CA8: variants seen among roughly 807,000 people sequenced by gnomAD.
CA8 encodes the protein carbonic anhydrase-related protein.
Under a neutral mutation model 41.4 loss-of-function variants are expected in CA8, and 22 were observed. The ratio of observed to expected loss-of-function variants is 0.53; its 90% CI spans 0.38 to 0.76. CA8 has a LOEUF of 0.76. Among genes scored for constraint, CA8 ranks in the 30% least tolerant of loss-of-function variants. The probability of loss-of-function intolerance (pLI) is 0.00; values close to 1 mark genes in which losing one functional copy is unlikely to be tolerated. For synonymous variants in CA8, 121 were observed against 130.6 expected, an observed-to-expected ratio of 0.93 and a Z score of 0.50; for missense variants, 270 against 352.8, an observed-to-expected ratio of 0.77 and a Z score of 1.88.
intron 8 of CA8, among the ~76,000 whole-genome samples, chr8:60,202,535 C>CT (rs1158658801): frequency 6.6e-6 from 1 of 152,078 alleles, no homozygotes; most frequent in Non-Finnish European, 1.5e-5. Flanking sequence ...GTTTGTTAGC[C>CT]TTTAACTCAA....
chr8:60,197,662 A>T (rs1331484490), intron 8 of CA8, among the ~76,000 whole-genome samples: 1 of 152,168 alleles, frequency 6.6e-6, no homozygotes, highest in African/African-American at 2.4e-5. Context: ...AGTGCTGGGG[A>T]TGCTATCACT....
At chr8:60,195,630 T>C (rs934889272) in intron 8 of CA8, among the ~76,000 whole-genome samples, 1 of 152,188 alleles carries the variant, frequency 6.6e-6, no homozygotes, top group Non-Finnish European at 1.5e-5. Context: ...CTCAGGCAGT[T>C]TGTACATGCT....
At chr8:60,278,069 G>A (rs1284927176) in intron 2 of CA8, among the ~76,000 whole-genome samples, 1 of 152,174 alleles carries the variant, frequency 6.6e-6, no homozygotes, top group Non-Finnish European at 1.5e-5. Flanking sequence ...TGGTGAGAGG[G>A]CCCAGATGTT....
chr8:60,205,803 TC>T (rs1236999934), intron 8 of CA8, among the ~76,000 whole-genome samples: 1 of 152,198 alleles, frequency 6.6e-6, no homozygotes, highest in East Asian at 1.9e-4. Flanking sequence ...TAAAGTTATT[TC>T]AGTAAAACAT....
At chr8:60,278,042 G>A (rs1003456217) in intron 2 of CA8, among the ~76,000 whole-genome samples, 3 of 152,184 alleles carry the variant, frequency 2.0e-5, no homozygotes, top group African/African-American at 7.2e-5. Flanking sequence ...TGCTAGGTGA[G>A]GAAGAAACAC....
chr8:60,218,264 C>T (rs1464553392), intron 7 of CA8, among the ~76,000 whole-genome samples: 3 of 152,054 alleles, frequency 2.0e-5, no homozygotes, highest in African/African-American at 4.8e-5. Flanking sequence ...CTCAAGACTA[C>T]GTCCATACCA....
intron 3 of CA8, among the ~76,000 whole-genome samples, chr8:60,248,833 T>C (rs1319860000): frequency 6.6e-6 from 1 of 152,192 alleles, no homozygotes; most frequent in Non-Finnish European, 1.5e-5. Flanking sequence ...TATATAATGC[T>C]ATATAAATTA....
chr8:60,199,221 T>G (rs914152320), intron 8 of CA8, among the ~76,000 whole-genome samples: 4 of 152,242 alleles, frequency 2.6e-5, no homozygotes, highest in Non-Finnish European at 4.4e-5. Context: ...AAAGATTTTT[T>G]TTCCCTTTGG....
At position 60,188,761 on chromosome 8, in the gene CA8, G is replaced by C. The variant is rs1481252936; in HGVS notation, c.*1260C>G. 16 of 152,102 alleles carry C rather than the reference G, an allele frequency of 1.1e-4. No homozygotes were observed. The allele number at this position is 152,102 out of a possible 1,614,324, so 9.4% of individuals were successfully genotyped here. ...TTTCTCTTGCTGCCCAAGAATACAT[G>C]ATGAACTTTCTTTGCTTGAATTTCA... On this transcript the variant is annotated 3_prime_UTR_variant, in exon 9 of 9. Coordinates refer to ENST00000317995, the MANE Select transcript of CA8 (RefSeq NM_004056.6).
intron 3 of CA8, among the ~76,000 whole-genome samples, chr8:60,242,142 T>C (rs774621009): frequency 2.5e-4 from 38 of 152,140 alleles, no homozygotes; most frequent in African/African-American, 6.3e-4. Flanking sequence ...TATAGCCCAA[T>C]AGAAGAAAAG....
chr8:60,216,667 T>C (rs1807033205), intron 7 of CA8, among the ~76,000 whole-genome samples: 1 of 152,152 alleles, frequency 6.6e-6, no homozygotes, highest in African/African-American at 2.4e-5. Flanking sequence ...TAAGGCACGA[T>C]GGTCTGTCTC....
chr8:60,186,345 G>T lies in CA8; in HGVS notation c.*3676C>A, dbSNP rs892563571. On this transcript the variant is annotated 3_prime_UTR_variant, in exon 9 of 9. Transcript: ENST00000317995. ...TTATTATAAATCTGAAATAGATTCT[G>T]ATAAATTAACAAGTATATGATATGC... is the stretch of plus-strand genomic sequence containing the variant. 6.6e-6 allele frequency among the ~76,000 whole-genome samples: 1 copy of T among 151,530 alleles called. No individual in the cohort carries two copies. Among genetic ancestry groups the T allele is most frequent in the Admixed American group, 6.6e-5 (1 of 15,198 alleles).
In CA8 at chr8:60,225,765, C is replaced by G. The variant is rs76550041; in HGVS notation, c.576+1108G>C. Among the ~76,000 whole-genome samples, 1,267 of 152,344 alleles carry G rather than the reference C, an allele frequency of 8.3e-3. 11 individuals are homozygous for G. Among genetic ancestry groups the G allele is most frequent in the Middle Eastern group, 0.031 (9 of 294 alleles). Reference sequence around the variant, plus strand: ...CCAGCAGCCCTACAAGACTAGACTACTTCCCCTCCCCAAGGCCACTCACAT... The same window carrying G: ...CCAGCAGCCCTACAAGACTAGACTAGTTCCCCTCCCCAAGGCCACTCACAT... On this transcript the variant is annotated intron_variant, in intron 5 of 8. Coordinates refer to ENST00000317995, the MANE Select transcript of CA8 (RefSeq NM_004056.6).
At chr8:60,236,267 C>T (rs528304756) in intron 3 of CA8, among the ~76,000 whole-genome samples, 3 of 152,272 alleles carry the variant, frequency 2.0e-5, no homozygotes, top group Admixed American at 6.5e-5. Flanking sequence ...TAAAAATCAG[C>T]CTGCGTTTCC....
At chr8:60,197,647 C>T (rs1230533962) in intron 8 of CA8, among the ~76,000 whole-genome samples, 2 of 152,162 alleles carry the variant, frequency 1.3e-5, no homozygotes, top group Non-Finnish European at 2.9e-5. Flanking sequence ...TCCATCACAA[C>T]CCCCAGTGCT....
At chr8:60,227,936 C>A (rs1807500015) in intron 4 of CA8, among the ~76,000 whole-genome samples, 1 of 152,118 alleles carries the variant, frequency 6.6e-6, no homozygotes, top group African/African-American at 2.4e-5. Flanking sequence ...TCCAGTGGTC[C>A]ATGATAATGG....
chr8:60,269,272 G>A (rs75872186), intron 2 of CA8, among the ~76,000 whole-genome samples: 1,891 of 152,202 alleles, frequency 0.012, 16 homozygotes, highest in Non-Finnish European at 0.021. Flanking sequence ...CTCAGAAGGG[G>A]TAGCCTTTTC....
chr8:60,227,486 G>A (rs1195087831), intron 4 of CA8, among the ~76,000 whole-genome samples: 1 of 152,020 alleles, frequency 6.6e-6, no homozygotes, highest in African/African-American at 2.4e-5. Context: ...ACTGTGTATA[G>A]GAATCACTCA....
At chr8:60,210,266 T>G (rs765364477) in intron 7 of CA8, among the ~76,000 whole-genome samples, 5 of 152,176 alleles carry the variant, frequency 3.3e-5, no homozygotes, top group Non-Finnish European at 5.9e-5. Flanking sequence ...GCAGCATCAA[T>G]CCACCAAAAG....
Sources: allele counts gnomAD v4.1 joint callset (sites outside exome capture counted in the v4.1 genomes callset), GRCh38; gene constraint gnomAD v4.1.1; transcripts MANE v1.5; gene names NCBI Gene and HGNC (gene_info 2026-07-23, HGNC 2026-07-21).